ZDHHC24: variants seen among roughly 807,000 people sequenced by gnomAD.
The protein encoded by ZDHHC24 is zDHHC palmitoyltransferase 24.
ZDHHC24 carries 17 observed loss-of-function variants against 23.2 expected under a neutral mutation model. The ratio of observed to expected loss-of-function variants is 0.73; its 90% CI spans 0.50 to 1.10. ZDHHC24 has a LOEUF of 1.10. Among genes scored for constraint, ZDHHC24 ranks in the 50% least tolerant of loss-of-function variants. ZDHHC24 has a pLI of 0.00. For missense variants in ZDHHC24, 366 were observed against 393.0 expected, an observed-to-expected ratio of 0.93 and a Z score of 0.58; for synonymous variants, 186 against 194.5, an observed-to-expected ratio of 0.96 and a Z score of 0.36.
chr11:66,522,605 C>T (rs1383011530), intron 4 of ZDHHC24, among the ~76,000 whole-genome samples: 1 of 152,128 alleles, frequency 6.6e-6, no homozygotes, highest in Non-Finnish European at 1.5e-5. Flanking sequence ...CTCGGCCTCC[C>T]AAAGTGCCGG....
In ZDHHC24 at chr11:66,539,789, C is replaced by T. The variant is rs773434340; in HGVS notation, c.595G>A (p.Val199Met). Residue 199 changes from valine to methionine, a missense_variant, in exon 3 of 3, where the codon GTG becomes ATG. Val to Met is a conservative substitution (Grantham distance 21, BLOSUM62 1). Transcript: ENST00000310442. ...GCACCCGCCACGCACGTGTCCGTCA[C>T]GAAGGCCAAGGCAAACTGTGCCAGA... ...VSLAQFALAF[V>M]TDTCVAGALL... is the part of the protein sequence containing the mutation. 36 of 1,611,170 alleles carry T rather than the reference C, an allele frequency of 2.2e-5. No homozygotes were observed. The highest frequency in any genetic ancestry group is 2.2e-5 in the South Asian group (2 of 90,818).
exon 5 of ZDHHC24, chr11:66,521,200 G>T (rs1478728418): frequency 8.9e-7 from 1 of 1,127,666 alleles, no homozygotes; most frequent in South Asian, 1.2e-5. Context: ...TCACTCAGAG[G>T]AGTTACTGAC....
chr11:66,541,334 C>T (rs60645853), intron 2 of ZDHHC24, among the ~76,000 whole-genome samples: 27,769 of 149,794 alleles, frequency 0.19, 3,358 homozygotes, highest in Non-Finnish European at 0.25. Context: ...ACCTGGAAGG[C>T]GGAGGTTGTG....
chr11:66,520,941 A>C (rs1381358123), downstream of ZDHHC24: 1 of 375,462 alleles, frequency 2.7e-6, no homozygotes, highest in Non-Finnish European at 5.1e-6. Context: ...CTGGTCTTGA[A>C]CTCCTGAGCT....
At chr11:66,531,505 A>T, downstream of ZDHHC24, 1 of 1,027,104 alleles carries the variant, frequency 9.7e-7, no homozygotes, top group Non-Finnish European at 1.5e-6. Context: ...TCACTTCCCC[A>T]CCACACCTGC....
In ZDHHC24 at chr11:66,539,163, C is replaced by G. The variant is rs1407346793; in HGVS notation, c.*366G>C. ...GTAGAGCCCCAGCCCCTGAGACCCT[C>G]AGGCATCCTGCAGTTTCCAGGCCCT... On this transcript the variant is annotated 3_prime_UTR_variant, in exon 3 of 3. Coordinates refer to ENST00000310442, the MANE Select transcript of ZDHHC24 (RefSeq NM_207340.3). 3.1e-6 allele frequency: 3 copies of G among 957,764 alleles called. No individual in the cohort carries two copies. In the African/African-American group the frequency reaches 5.2e-5, roughly 17 times the overall value. 59.3% of individuals were successfully genotyped at this position (957,764 alleles called of 1,614,324 possible). A position where few individuals can be genotyped will look rare whatever the true frequency, so the allele number is the denominator to read the frequency against.
At chr11:66,543,261 C>T (rs1199345849) in intron 2 of ZDHHC24, among the ~76,000 whole-genome samples, 1 of 152,122 alleles carries the variant, frequency 6.6e-6, no homozygotes, top group East Asian at 1.9e-4. Flanking sequence ...TTCACTGGCT[C>T]CCCACTGTCC....
At chr11:66,524,286 A>C (rs1856388961) in intron 4 of ZDHHC24, 1 of 333,724 alleles carries the variant, frequency 3.0e-6, no homozygotes, top group East Asian at 8.0e-5. Flanking sequence ...TCTTAAAAAA[A>C]AAAAAAATGT....
chr11:66,520,991 T>G, downstream of ZDHHC24: 1 of 454,782 alleles, frequency 2.2e-6, no homozygotes, highest in Non-Finnish European at 4.1e-6. Context: ...AGTGTTGGGA[T>G]TACAGGTGTG....
intron 4 of ZDHHC24, chr11:66,523,974 A>T: frequency 1.3e-6 from 2 of 1,559,026 alleles, no homozygotes; most frequent in Non-Finnish European, 1.7e-6. Flanking sequence ...CCACACATTG[A>T]TGCATTTCAA....
intron 4 of ZDHHC24, chr11:66,521,657 G>A (rs1386034598): frequency 7.2e-6 from 3 of 415,594 alleles, no homozygotes; most frequent in Non-Finnish European, 1.4e-5. Flanking sequence ...TGTAATCCCA[G>A]CACTTTGGGA....
At chr11:66,531,168 C>T (rs1034228125), downstream of ZDHHC24, 2 of 1,226,132 alleles carry the variant, frequency 1.6e-6, no homozygotes, top group Non-Finnish European at 2.3e-6. Context: ...TCTCCCACCA[C>T]AGACCAGGCC....
In ZDHHC24 at chr11:66,543,811, A is replaced by G; in HGVS notation, c.452T>C (p.Leu151Pro). 6.2e-7 allele frequency: 1 copy of G among 1,613,468 alleles called. No homozygotes were observed. Among genetic ancestry groups the G allele is most frequent in the Non-Finnish European group, 8.5e-7 (1 of 1,179,662 alleles). ...AGGGCCCAGCAGCACAGAGACGTGGAGCAGGACGCCGGCGGCATGAAGCAG... is the reference window on the plus strand; with the variant it reads ...AGGGCCCAGCAGCACAGAGACGTGGGGCAGGACGCCGGCGGCATGAAGCAG... ...CLLLHAAGVLLHVSVLLGPAL... is the reference protein window; with the variant it reads ...CLLLHAAGVLPHVSVLLGPAL... The change falls in exon 2 of 3, where the codon CTC becomes CCC. Residue 151 changes from leucine (L) to proline (P), a missense_variant. By Grantham distance (98) the Leu-to-Pro change is moderately conservative. Transcript: ENST00000310442.
At position 66,539,502 on chromosome 11, in the gene ZDHHC24, C is replaced by T; in HGVS notation, c.*27G>A. On this transcript the variant is annotated 3_prime_UTR_variant, in exon 3 of 3. Transcript: ENST00000310442. ...GGGGCCCCCCTCTCACCCCTTCCTC[C>T]CTGCACAGCTCTGGCTCTTCCTGGA... is the stretch of plus-strand genomic sequence containing the variant. The T allele has an allele frequency of 6.6e-7, 1 of 1,516,012 alleles. No homozygotes were observed. Among genetic ancestry groups the T allele is most frequent in the African/African-American group, 1.4e-5 (1 of 71,960 alleles). 93.9% of individuals were successfully genotyped at this position (1,516,012 alleles called of 1,614,324 possible). A position where few individuals can be genotyped will look rare whatever the true frequency, so the allele number is the denominator to read the frequency against.
chr11:66,543,643 G>T (rs550487415), intron 2 of ZDHHC24, 61 bp downstream of exon 2: 445 of 1,485,446 alleles, frequency 3.0e-4, no homozygotes, highest in Non-Finnish European at 3.7e-4. Flanking sequence ...AGAATGGGCT[G>T]TACTCCCCAG....
chr11:66,541,852 G>A (rs1857160783), intron 2 of ZDHHC24, among the ~76,000 whole-genome samples: 1 of 152,022 alleles, frequency 6.6e-6, no homozygotes, highest in Non-Finnish European at 1.5e-5. Flanking sequence ...AAGCCAGGCT[G>A]GAGCAGGCAG....
At chr11:66,529,239 C>A in intron 3 of ZDHHC24, 1 of 1,505,078 alleles carries the variant, frequency 6.6e-7, no homozygotes, top group Non-Finnish European at 8.9e-7. Flanking sequence ...GTCATGTGAT[C>A]CTGCAAACGG....
At chr11:66,523,662 A>G in intron 4 of ZDHHC24, 1 of 1,610,674 alleles carries the variant, frequency 6.2e-7, no homozygotes. Flanking sequence ...TCCCCACCCC[A>G]GAAACCGTTC....
chr11:66,544,192 A>C (rs1424899357), intron 1 of ZDHHC24, among the ~76,000 whole-genome samples: 1 of 152,162 alleles, frequency 6.6e-6, no homozygotes, highest in Non-Finnish European at 1.5e-5. Flanking sequence ...TCCAGCCCTA[A>C]CATCCCCAGT....
Sources: allele counts gnomAD v4.1 joint callset (sites outside exome capture counted in the v4.1 genomes callset), GRCh38; gene constraint gnomAD v4.1.1; transcripts MANE v1.5; gene names NCBI Gene and HGNC (gene_info 2026-07-23, HGNC 2026-07-21).